The following PCDH11X variants were observed in gnomAD, a reference collection of about 807,000 sequenced individuals.
PCDH11X encodes protocadherin 11 X-linked.
Under a neutral mutation model 53.3 loss-of-function variants are expected in PCDH11X, and 18 were observed. The ratio of observed to expected loss-of-function variants is 0.34; its 90% CI spans 0.23 to 0.50. The LOEUF (loss-of-function observed/expected upper bound fraction) is 0.50. Ranked by LOEUF, PCDH11X falls within the 20% of genes least tolerant of loss-of-function variation. PCDH11X has a pLI of 0.98. For missense variants in PCDH11X, 570 were observed against 1,032.4 expected, an observed-to-expected ratio of 0.55 and a Z score of 6.14; for synonymous variants, 279 against 393.3, an observed-to-expected ratio of 0.71 and a Z score of 3.44.
chrX:92,391,727 C>T (rs987874728), intron 9 of PCDH11X, among the ~76,000 whole-genome samples: 1 of 110,987 alleles, frequency 9.0e-6, no homozygotes, highest in Non-Finnish European at 1.9e-5. Context: ...ATAGAGAATG[C>T]ATTGCTGCTA....
intron 8 of PCDH11X, among the ~76,000 whole-genome samples, chrX:92,295,750 TG>T (rs1234004472): frequency 5.3e-4 from 8 of 14,974 alleles, no homozygotes; most frequent in African/African-American, 1.6e-3. Context: ...TGTGTGTGTG[TG>T]TGTGTGTGTG....
intron 8 of PCDH11X, among the ~76,000 whole-genome samples, chrX:92,387,213 A>G (rs2071028311): frequency 9.0e-6 from 1 of 111,129 alleles, no homozygotes; most frequent in Admixed American, 9.7e-5. Flanking sequence ...ATAAATTCCA[A>G]TTCAAAATTT....
intron 10 of PCDH11X, among the ~76,000 whole-genome samples, chrX:92,575,491 C>T (rs1483908839): frequency 9.2e-6 from 1 of 108,256 alleles, no homozygotes; most frequent in Non-Finnish European, 1.9e-5. Flanking sequence ...GTCTTTTTCA[C>T]TTTTGTCTTT....
chrX:92,460,967 G>A, intron 9 of PCDH11X: 2 of 1,021,820 alleles, frequency 2.0e-6, no homozygotes, highest in Non-Finnish European at 2.7e-6. Flanking sequence ...GCAGAAGCAG[G>A]GTACCCTTTG....
At chrX:92,438,877 A>G (rs1459129843) in intron 9 of PCDH11X, among the ~76,000 whole-genome samples, 9 of 111,355 alleles carry the variant, frequency 8.1e-5, no homozygotes, top group East Asian at 2.8e-4. Flanking sequence ...ACAGATTTGT[A>G]TGCTTTTTTC....
intron 1 of PCDH11X, among the ~76,000 whole-genome samples, chrX:91,797,011 A>C (rs1890476620): frequency 8.9e-6 from 1 of 111,923 alleles, no homozygotes; most frequent in Admixed American, 9.5e-5. Context: ...CTATGCACAT[A>C]AACTTTTCAA....
chrX:92,121,548 G>T (rs6522484), intron 6 of PCDH11X, among the ~76,000 whole-genome samples: 14,586 of 110,293 alleles, frequency 0.13, 1,135 homozygotes, highest in East Asian at 0.43. Flanking sequence ...GAGTCACTAG[G>T]GTGTCTTGTG....
At chrX:91,780,619 C>A (rs1465937918) in intron 1 of PCDH11X, among the ~76,000 whole-genome samples, 2 of 112,653 alleles carry the variant, frequency 1.8e-5, no homozygotes, top group Non-Finnish European at 3.7e-5. Context: ...AGTTCACGTC[C>A]TCACAAAGGA....
intron 6 of PCDH11X, among the ~76,000 whole-genome samples, chrX:92,102,468 G>C (rs138820363): frequency 0.038 from 4,219 of 111,081 alleles, 200 homozygotes; most frequent in African/African-American, 0.13. Context: ...TTGTTGTTTT[G>C]TAAGGGATTG....
chrX:91,971,182 T>C (rs1385513237), intron 6 of PCDH11X, among the ~76,000 whole-genome samples: 1 of 109,527 alleles, frequency 9.1e-6, no homozygotes, highest in Non-Finnish European at 1.9e-5. Context: ...TTTTTCTTGA[T>C]CTTCTTCTTC....
intron 5 of PCDH11X, among the ~76,000 whole-genome samples, chrX:91,851,630 A>G (rs779617827): frequency 1.8e-4 from 20 of 111,804 alleles, no homozygotes; most frequent in African/African-American, 6.5e-4. Flanking sequence ...TTGTCTTGGA[A>G]CCTAAGTCAA....
chrX:91,905,143 ATT>A (rs1207314762), intron 6 of PCDH11X, among the ~76,000 whole-genome samples: 1 of 104,610 alleles, frequency 9.6e-6, no homozygotes, highest in Non-Finnish European at 1.9e-5. Flanking sequence ...TGTTATTATT[ATT>A]TTGAGATGGA....
chrX:92,201,433 T>A lies in PCDH11X; in HGVS notation c.3092T>A (p.Ile1031Asn), dbSNP rs192753553. 23 of 1,192,003 alleles carry A rather than the reference T, an allele frequency of 1.9e-5. No individual in the cohort carries two copies. Among genetic ancestry groups the A allele is most frequent in the Admixed American group, 2.3e-5 (1 of 44,383 alleles). The change falls in exon 7 of 11, where the codon ATC becomes AAC. Residue 1031 changes from isoleucine (I) to asparagine (N), a missense_variant. Around this residue, in one of 6 missense-constraint regions of PCDH11X, gnomAD observed 234 missense variants for 296.1 expected, o/e 0.79. Transcript: ENST00000682573. ...ATGAAAGAGTCTACAACTATGGAGA[T>A]CTGGATTCATCCCCAACCACAGGTA... ...TPMKESTTMEIWIHPQPQRKS... is the reference protein window; with the variant it reads ...TPMKESTTMENWIHPQPQRKS...
chrX:92,094,133 A>G (rs1376094105), intron 6 of PCDH11X, among the ~76,000 whole-genome samples: 1 of 94,233 alleles, frequency 1.1e-5, no homozygotes, highest in Non-Finnish European at 2.1e-5. Flanking sequence ...AAAAAGTAAT[A>G]TGTGTGTGTG....
At chrX:92,475,354 G>C (rs997677158) in intron 10 of PCDH11X, among the ~76,000 whole-genome samples, 1 of 110,394 alleles carries the variant, frequency 9.1e-6, no homozygotes, top group African/African-American at 3.3e-5. Flanking sequence ...TGAAGGACAG[G>C]TCTGGTGTTG....
intron 8 of PCDH11X, among the ~76,000 whole-genome samples, chrX:92,277,341 G>A (rs774431955): frequency 5.7e-4 from 64 of 111,374 alleles, no homozygotes; most frequent in Non-Finnish European, 1.1e-3. Flanking sequence ...TGAAAGTGCC[G>A]TTTTCTGGCT....
intron 6 of PCDH11X, among the ~76,000 whole-genome samples, chrX:91,926,074 A>G (rs865812245): frequency 2.2e-5 from 1 of 45,295 alleles, no homozygotes; most frequent in Non-Finnish European, 3.8e-5. Context: ...ACACACAAAC[A>G]CGCACACACA....
chrX:92,531,530 C>A (rs2074554620), intron 10 of PCDH11X, among the ~76,000 whole-genome samples: 1 of 109,940 alleles, frequency 9.1e-6, no homozygotes, highest in Non-Finnish European at 1.9e-5. Flanking sequence ...TGAAAATTTC[C>A]TCAACCAGAT....
intron 4 of PCDH11X, among the ~76,000 whole-genome samples, chrX:91,823,862 C>A (rs1463669204): frequency 2.7e-5 from 3 of 110,809 alleles, no homozygotes; most frequent in Non-Finnish European, 5.7e-5. Context: ...TCTTTTAGGG[C>A]AGGCCTGGTG....
Sources: allele counts gnomAD v4.1 joint callset (sites outside exome capture counted in the v4.1 genomes callset), GRCh38; gene constraint gnomAD v4.1.1; regional missense constraint gnomAD v4.1.1; transcripts MANE v1.5; gene names NCBI Gene and HGNC (gene_info 2026-07-23, HGNC 2026-07-21).